Variants in CFAP299 observed in about 807,000 individuals in gnomAD.
CFAP299 encodes cilia and flagella associated protein 299.
A neutral mutation model predicts 27.0 loss-of-function variants in CFAP299; 21 were observed. The observed-to-expected ratio is 0.78, with a 90% CI of 0.55 to 1.12. The LOEUF (loss-of-function observed/expected upper bound fraction) is 1.12, where lower values mean the gene tolerates loss of function less well. Ranked by LOEUF, CFAP299 falls within the 50% of genes most tolerant of loss-of-function variation. The pLI, the probability that CFAP299 is intolerant of heterozygous loss-of-function variation, is 0.00. For synonymous variants in CFAP299, 104 were observed against 98.1 expected (o/e 1.06, Z -0.36); for missense variants, 310 against 276.6 (o/e 1.12, Z -0.86).
chr4:80,705,375 G>C (rs2110031266), intron 3 of CFAP299, among the ~76,000 whole-genome samples: 1 of 151,920 alleles, frequency 6.6e-6, no homozygotes, highest in Middle Eastern at 3.4e-3. Context: ...GAATGAGAAA[G>C]ATCATGGATG....
chr4:80,938,346 C>G (rs1045345109), intron 4 of CFAP299, among the ~76,000 whole-genome samples: 15 of 152,186 alleles, frequency 9.9e-5, no homozygotes, highest in Non-Finnish European at 2.2e-4. Context: ...ACACCTGGCC[C>G]ACCCAGGGCG....
intron 3 of CFAP299, among the ~76,000 whole-genome samples, chr4:80,609,588 T>C (rs1737859220): frequency 6.6e-6 from 1 of 152,036 alleles, no homozygotes; most frequent in African/African-American, 2.4e-5. Flanking sequence ...AATGTTATTT[T>C]TTATTTCTTG....
At chr4:80,449,201 C>T (rs997983701) in intron 2 of CFAP299, among the ~76,000 whole-genome samples, 1 of 152,046 alleles carries the variant, frequency 6.6e-6, no homozygotes, top group Non-Finnish European at 1.5e-5. Context: ...TTTTCTGCTT[C>T]AGTGTGACTA....
chr4:80,781,892 TG>T (rs1726902400), intron 3 of CFAP299, among the ~76,000 whole-genome samples: 1 of 152,218 alleles, frequency 6.6e-6, no homozygotes, highest in Non-Finnish European at 1.5e-5. Flanking sequence ...ACATGGGCTC[TG>T]GAATCTGACT....
chr4:80,343,681 C>T (rs980161935), intron 1 of CFAP299, among the ~76,000 whole-genome samples: 1 of 150,680 alleles, frequency 6.6e-6, no homozygotes, highest in African/African-American at 2.4e-5. Flanking sequence ...CCCAGCTACT[C>T]GGGAGGCTGA....
At chr4:80,675,943 G>C (rs1255768471) in intron 3 of CFAP299, among the ~76,000 whole-genome samples, 1 of 152,138 alleles carries the variant, frequency 6.6e-6, no homozygotes, top group African/African-American at 2.4e-5. Flanking sequence ...GGTACAGTCT[G>C]TCATGACTTC....
chr4:80,842,595 C>T (rs1343729675), intron 3 of CFAP299, among the ~76,000 whole-genome samples: 2 of 152,194 alleles, frequency 1.3e-5, no homozygotes, highest in South Asian at 2.1e-4. Context: ...AGTTTGATCA[C>T]TAGTAAATGT....
At chr4:80,901,326 A>G (rs982173497) in intron 4 of CFAP299, among the ~76,000 whole-genome samples, 4 of 152,120 alleles carry the variant, frequency 2.6e-5, no homozygotes, top group Non-Finnish European at 5.9e-5. Context: ...TATCAACAGG[A>G]TTGTTTTTCT....
At chr4:80,502,407 T>A (rs183594330) in intron 2 of CFAP299, among the ~76,000 whole-genome samples, 2 of 152,224 alleles carry the variant, frequency 1.3e-5, no homozygotes, top group East Asian at 3.9e-4. Flanking sequence ...TTGCACCACA[T>A]ACCAACTTAT....
chr4:80,756,680 T>C lies in CFAP299; in HGVS notation c.334-113313T>C, dbSNP rs187511195. ...CACACTCATTTGTTTATGAGTTATTTATGGATGCTTTCATGCTATAATGAC... is the reference window on the plus strand; with the variant it reads ...CACACTCATTTGTTTATGAGTTATTCATGGATGCTTTCATGCTATAATGAC... On this transcript the variant is annotated intron_variant, in intron 3 of 5. Transcript: ENST00000358105. Among the ~76,000 whole-genome samples the C allele has an allele frequency of 2.6e-5, 4 of 152,304 alleles. No homozygotes were observed. In the East Asian group the frequency reaches 7.7e-4, roughly 29 times the overall value.
intron 3 of CFAP299, among the ~76,000 whole-genome samples, chr4:80,855,987 C>G (rs893063146): frequency 1.6e-4 from 25 of 152,008 alleles, no homozygotes; most frequent in Admixed American, 1.6e-3. Context: ...GCCACACTGA[C>G]TTCCACAGTG....
chr4:80,656,528 A>G (rs1451595702), intron 3 of CFAP299, among the ~76,000 whole-genome samples: 1 of 152,106 alleles, frequency 6.6e-6, no homozygotes. Flanking sequence ...TTCCAGCTTG[A>G]TCCATGTCAC....
intron 1 of CFAP299, among the ~76,000 whole-genome samples, chr4:80,341,427 G>T (rs758626826): frequency 2.0e-5 from 3 of 152,152 alleles, no homozygotes; most frequent in Non-Finnish European, 2.9e-5. Flanking sequence ...CTACAGGAGG[G>T]TCTGGGCCAG....
intron 2 of CFAP299, among the ~76,000 whole-genome samples, chr4:80,403,705 A>C (rs1004471293): frequency 1.3e-5 from 2 of 152,064 alleles, no homozygotes; most frequent in African/African-American, 4.8e-5. Flanking sequence ...CTGAGGTCTC[A>C]TTACTTTATA....
At chr4:80,332,772 C>G (rs1272217270), upstream of CFAP299, among the ~76,000 whole-genome samples, 1 of 152,132 alleles carries the variant, frequency 6.6e-6, no homozygotes, top group Admixed American at 6.5e-5. Context: ...ACTGGCAGCT[C>G]CACATTTATT....
At chr4:80,647,047 T>A in intron 3 of CFAP299, among the ~76,000 whole-genome samples, 1 of 152,078 alleles carries the variant, frequency 6.6e-6, no homozygotes, top group Non-Finnish European at 1.5e-5. Flanking sequence ...GATATAGATG[T>A]ACATATAGAT....
In CFAP299 at chr4:80,610,980, T is replaced by G. The variant is rs1243020325; in HGVS notation, c.333+27797T>G. On this transcript the variant is annotated intron_variant, in intron 3 of 5. Transcript: ENST00000358105. ...TGCAAATAAACGGGTTCCAAACCCC[T>G]TTAGAGCACACTGTAAATCTTTGTA... is the stretch of plus-strand genomic sequence containing the variant. 2.0e-5 allele frequency among the ~76,000 whole-genome samples: 3 copies of G among 152,000 alleles called. No individual in the cohort carries two copies. In the South Asian group the frequency reaches 6.2e-4, roughly 32 times the overall value.
intron 3 of CFAP299, among the ~76,000 whole-genome samples, chr4:80,648,294 G>A (rs1577972795): frequency 6.6e-6 from 1 of 152,102 alleles, no homozygotes; most frequent in East Asian, 1.9e-4. Context: ...ATTTGTATAA[G>A]AAAGATTATA....
chr4:80,852,979 C>A (rs1167849443), intron 3 of CFAP299, among the ~76,000 whole-genome samples: 2 of 152,080 alleles, frequency 1.3e-5, no homozygotes, highest in African/African-American at 2.4e-5. Context: ...ACCTTTATGG[C>A]CCCTGCAAAC....
Sources: gnomAD v4.1 joint callset for allele counts (sites outside exome capture counted in the v4.1 genomes callset) on GRCh38, gnomAD v4.1.1 for gene constraint, MANE v1.5 for transcripts, NCBI Gene and HGNC (gene_info 2026-07-23, HGNC 2026-07-21) for gene names.